The following TRPC7 variants were observed in gnomAD, a reference collection of about 807,000 sequenced individuals.
The protein encoded by TRPC7 is short transient receptor potential channel 7.
Under a neutral mutation model 90.1 loss-of-function variants are expected in TRPC7, and 42 were observed. That is an observed-to-expected ratio of 0.47 (90% CI 0.36 to 0.60). The LOEUF is 0.60. Ranked by LOEUF, TRPC7 falls within the 20% of genes least tolerant of loss-of-function variation. The probability of loss-of-function intolerance (pLI) is 0.00; values close to 1 mark genes in which losing one functional copy is unlikely to be tolerated. For missense variants in TRPC7, 955 were observed against 1,112.3 expected (o/e 0.86, Z 2.01); for synonymous variants, 451 against 436.3 (o/e 1.03, Z -0.42).
intron 5 of TRPC7, among the ~76,000 whole-genome samples, chr5:136,253,757 A>G (rs1418429289): frequency 5.3e-5 from 8 of 152,190 alleles, no homozygotes; most frequent in African/African-American, 1.9e-4. Context: ...TAGTTCTACA[A>G]TGGTTTCTAA....
chr5:136,217,752 C>T (rs971762214), intron 10 of TRPC7, among the ~76,000 whole-genome samples: 2 of 152,114 alleles, frequency 1.3e-5, no homozygotes, highest in African/African-American at 4.8e-5. Context: ...TGCAGTGGCT[C>T]ATGCCCATAA....
At position 136,226,098 on chromosome 5, in the gene TRPC7, C is replaced by A. The variant is rs1755621303; in HGVS notation, c.2198G>T (p.Cys733Phe). The A allele has an allele frequency of 1.2e-6, 2 of 1,604,294 alleles. No individual in the cohort carries two copies. The highest frequency in any genetic ancestry group is 4.5e-5 in the East Asian group (2 of 44,774). ...MRIKMCLIKL[C>F]KSKAKSCEND... ...TTCACAGCTTTTGGCCTTAGATTTG[C>A]AGAGTTTTATGAGGCACATCTTGAT... is the stretch of plus-strand genomic sequence containing the variant. The change falls in exon 9 of 12, where the codon TGC becomes TTC. Residue 733 changes from cysteine to phenylalanine, a missense_variant. Physicochemically the swap from Cys to Phe is radical, Grantham distance 205. Around this residue, in one of 4 missense-constraint regions of TRPC7, gnomAD observed 296 missense variants for 422.7 expected, o/e 0.70. Coordinates refer to ENST00000513104, the MANE Select transcript of TRPC7 (RefSeq NM_020389.3).
chr5:136,216,344 C>T, intron 10 of TRPC7, 69 bp from the exon 11 acceptor site: 1 of 1,242,574 alleles, frequency 8.0e-7, no homozygotes, highest in South Asian at 1.3e-5. Context: ...CGTGGTGTAG[C>T]AGGACCCCTC....
intron 2 of TRPC7, among the ~76,000 whole-genome samples, chr5:136,351,450 T>C (rs1037552049): frequency 2.0e-5 from 3 of 152,254 alleles, no homozygotes; most frequent in African/African-American, 7.2e-5. Flanking sequence ...TCCCAGGGTG[T>C]TGGACTATAA....
In TRPC7 at chr5:136,356,741, C is replaced by T. The variant is rs539024298; in HGVS notation, c.647G>A (p.Arg216His). 3 of 1,612,204 alleles carry T rather than the reference C, an allele frequency of 1.9e-6. No homozygotes were observed. The highest frequency in any genetic ancestry group is 2.2e-5 in the East Asian group (1 of 44,824). The change falls in exon 2 of 12, where the codon CGC (arginine) becomes CAC (histidine). Residue 216 changes from arginine to histidine, a missense_variant. This residue lies in a region of TRPC7 where 484 missense variants were observed against 509.6 expected (regional missense o/e 0.95). Transcript: ENST00000513104. ...TCCTTTGTAGGCGTTCATGCGCGAGCGCGAGTGGCTGAAGGAGTCTTTCCG... is the reference window on the plus strand; with the variant it reads ...TCCTTTGTAGGCGTTCATGCGCGAGTGCGAGTGGCTGAAGGAGTCTTTCCG... ...KQRKDSFSHS[R>H]SRMNAYKGLA... is the part of the protein sequence containing the mutation.
At chr5:136,218,500 A>G (rs1310138861) in intron 10 of TRPC7, among the ~76,000 whole-genome samples, 2 of 152,226 alleles carry the variant, frequency 1.3e-5, no homozygotes, top group African/African-American at 4.8e-5. Context: ...GGATCCAACA[A>G]TTAAAGAGCT....
intron 2 of TRPC7, among the ~76,000 whole-genome samples, chr5:136,335,694 G>GGC (rs1759634918): frequency 1.3e-5 from 2 of 151,790 alleles, no homozygotes; most frequent in African/African-American, 4.8e-5. Flanking sequence ...ACGAGGTCAG[G>GGC]AGATCGAGAC....
intron 5 of TRPC7, among the ~76,000 whole-genome samples, chr5:136,261,282 C>T (rs1342811448): frequency 1.3e-5 from 2 of 152,130 alleles, no homozygotes. Flanking sequence ...GTACCTGACA[C>T]GGTGCCTGAT....
Position 136,356,899 on chromosome 5 carries a change from G to C in TRPC7, c.489C>G (p.His163Gln). Residue 163 changes from histidine (H) to glutamine (Q), a missense_variant, in exon 2 of 12, where the codon CAC (histidine) becomes CAG (glutamine). Transcript: ENST00000513104. The stretch of plus-strand genomic sequence containing the variant: ...CCGCCAGGATGATGGGCGTGATGTC[G>C]TGGGAGAAGCGCGTGCCGTCCTCGT... ...AYDEDGTRFS[H>Q]DITPIILAAH... 1.2e-6 allele frequency: 2 copies of C among 1,613,898 alleles called. No individual in the cohort carries two copies. The highest frequency in any genetic ancestry group is 1.7e-6 in the Non-Finnish European group (2 of 1,179,964).
chr5:136,303,096 C>G (rs144578275), intron 3 of TRPC7, among the ~76,000 whole-genome samples: 2,026 of 152,280 alleles, frequency 0.013, 19 homozygotes, highest in Non-Finnish European at 0.019. Context: ...AGCCCTCCCC[C>G]ACCTGCCCAG....
intron 5 of TRPC7, among the ~76,000 whole-genome samples, chr5:136,254,828 T>G (rs1756640901): frequency 6.6e-6 from 1 of 152,238 alleles, no homozygotes; most frequent in Non-Finnish European, 1.5e-5. Context: ...GGAAAGGATT[T>G]ATCGTTTTAG....
intron 7 of TRPC7, among the ~76,000 whole-genome samples, chr5:136,233,323 G>C (rs1416762532): frequency 6.6e-6 from 1 of 152,228 alleles, no homozygotes; most frequent in Non-Finnish European, 1.5e-5. Flanking sequence ...CAGAGCTCCA[G>C]CTCCTGGTGC....
At chr5:136,263,654 T>C (rs1263481952) in intron 5 of TRPC7, among the ~76,000 whole-genome samples, 1 of 152,078 alleles carries the variant, frequency 6.6e-6, no homozygotes. Flanking sequence ...AATAATATAA[T>C]ATCTGAAATG....
intron 3 of TRPC7, among the ~76,000 whole-genome samples, chr5:136,287,687 C>CAAAAAAAAA (rs767031610): frequency 2.5e-4 from 15 of 59,514 alleles, no homozygotes; most frequent in Non-Finnish European, 3.8e-4. Flanking sequence ...AGTGGATGCT[C>CAAAAAAAAA]AAAAAAAAAA....
Position 136,213,459 on chromosome 5 carries a change from C to T in TRPC7, c.2565G>A (p.Arg855=), listed in dbSNP as rs750058935. ...GCTAAATGTCTTTGCCCTTGTTCAC[C>T]CTCAGGTGGTCTTTGTTTAAGTTCT... ...FGKNLNKDHL[R]VNKGKDI The change falls in exon 12 of 12, where the codon AGG becomes AGA. Residue 855 remains arginine (R), a synonymous_variant. Coordinates refer to ENST00000513104, the MANE Select transcript of TRPC7 (RefSeq NM_020389.3). The T allele has an allele frequency of 6.2e-7, 1 of 1,613,992 alleles. No homozygotes were observed. Among genetic ancestry groups the T allele is most frequent in the African/African-American group, 1.3e-5 (1 of 75,054 alleles).
chr5:136,229,633 C>T (rs1755754239), intron 8 of TRPC7, among the ~76,000 whole-genome samples: 1 of 152,170 alleles, frequency 6.6e-6, no homozygotes, highest in Admixed American at 6.5e-5. Context: ...CAGAAGGAGC[C>T]AACCCTGCTG....
At chr5:136,253,070 C>T (rs903760110) in intron 5 of TRPC7, among the ~76,000 whole-genome samples, 3 of 152,118 alleles carry the variant, frequency 2.0e-5, no homozygotes, top group South Asian at 2.1e-4. Context: ...ATTTCAAACA[C>T]TTACTATGAA....
intron 5 of TRPC7, 83 bp from the exon 6 acceptor site, chr5:136,251,965 T>A: frequency 9.1e-7 from 1 of 1,098,964 alleles, no homozygotes; most frequent in South Asian, 1.4e-5. Context: ...GGAACCAGAG[T>A]ACAAATGTAA....
chr5:136,294,843 T>C (rs1758106102), intron 3 of TRPC7, among the ~76,000 whole-genome samples: 1 of 152,330 alleles, frequency 6.6e-6, no homozygotes, highest in African/African-American at 2.4e-5. Flanking sequence ...TGCACACATA[T>C]GTTTGTTGCG....
Sources: gnomAD v4.1 joint callset for allele counts (sites outside exome capture counted in the v4.1 genomes callset) on GRCh38, gnomAD v4.1.1 for gene constraint, gnomAD v4.1.1 regional missense constraint, MANE v1.5 for transcripts, NCBI Gene and HGNC (gene_info 2026-07-23, HGNC 2026-07-21) for gene names.